RFC3: variants seen among roughly 807,000 people sequenced by gnomAD.
RFC3 encodes A1 38 kDa subunit.
A neutral mutation model predicts 45.1 loss-of-function variants in RFC3; 41 were observed. The ratio of observed to expected loss-of-function variants is 0.91; its 90% CI spans 0.71 to 1.18. The LOEUF is 1.18. Ranked by LOEUF, RFC3 falls within the 50% of genes most tolerant of loss-of-function variation. RFC3 has a pLI of 0.00. For missense variants in RFC3, 423 were observed against 428.1 expected, an observed-to-expected ratio of 0.99 and a Z score of 0.10; for synonymous variants, 149 against 144.0, an observed-to-expected ratio of 1.03 and a Z score of -0.25.
intron 8 of RFC3, among the ~76,000 whole-genome samples, chr13:33,871,682 C>T (rs2082410849): frequency 6.6e-6 from 1 of 152,132 alleles, no homozygotes; most frequent in African/African-American, 2.4e-5. Flanking sequence ...CTTGCATTAT[C>T]GCCTCTCCCA....
chr13:33,866,976 A>G (rs1384502536), intron 8 of RFC3, among the ~76,000 whole-genome samples: 1 of 152,188 alleles, frequency 6.6e-6, no homozygotes, highest in Non-Finnish European at 1.5e-5. Flanking sequence ...ATTCTATACA[A>G]TTGGAATAGA....
intron 2 of RFC3, among the ~76,000 whole-genome samples, chr13:33,823,012 A>G (rs964203716): frequency 6.6e-6 from 1 of 152,194 alleles, no homozygotes; most frequent in Non-Finnish European, 1.5e-5. Context: ...CTTCTGTAAC[A>G]AATAGTCACA....
the RFC3 span, among the ~76,000 whole-genome samples, chr13:33,976,271 C>A: frequency 6.6e-6 from 1 of 152,110 alleles, no homozygotes; most frequent in Non-Finnish European, 1.5e-5. Context: ...AGTCCTGTAA[C>A]TTGTAGCAAC....
At chr13:33,923,863 A>G (rs751964787) in intron 8 of RFC3, among the ~76,000 whole-genome samples, 1 of 152,148 alleles carries the variant, frequency 6.6e-6, no homozygotes, top group Non-Finnish European at 1.5e-5. Flanking sequence ...GTTTAGTTCC[A>G]TGTGTCTGTG....
chr13:33,878,458 G>C (rs968940057), intron 8 of RFC3, among the ~76,000 whole-genome samples: 1 of 152,184 alleles, frequency 6.6e-6, no homozygotes, highest in Non-Finnish European at 1.5e-5. Context: ...TGGAAATGGT[G>C]AGGGGTGGAA....
At chr13:33,889,127 C>T (rs1311422034) in intron 8 of RFC3, among the ~76,000 whole-genome samples, 1 of 152,202 alleles carries the variant, frequency 6.6e-6, no homozygotes, top group East Asian at 1.9e-4. Flanking sequence ...GTATCTGCAG[C>T]TGAAAGACGA....
rs1483804128 is a variant in RFC3 at position 33,846,910 on chromosome 13, C to CT, written c.879+11702dup. The CT allele has an allele frequency of 5.9e-5, 9 of 151,266 alleles. 1 individual carries two copies. The highest frequency in any genetic ancestry group is 4.2e-4 in the South Asian group (2 of 4,786). 9.4% of individuals were successfully genotyped at this position (151,266 alleles called of 1,614,324 possible). ...CAGTGCACACAGATTCTCTCTTTTTCTTTTTTTTTGGTGGAGTCTCACCCT... is the reference window on the plus strand; with the variant it reads ...CAGTGCACACAGATTCTCTCTTTTTCTTTTTTTTTTGGTGGAGTCTCACCCT... On this transcript the variant is annotated intron_variant, in intron 8 of 8. Transcript: ENST00000434425.
intron 8 of RFC3, among the ~76,000 whole-genome samples, chr13:33,943,531 A>T (rs1036155667): frequency 2.0e-5 from 3 of 152,190 alleles, no homozygotes; most frequent in Non-Finnish European, 4.4e-5. Flanking sequence ...GAGGTGAAGG[A>T]TATCCTAATT....
intron 8 of RFC3, among the ~76,000 whole-genome samples, chr13:33,863,658 A>G (rs187024791): frequency 3.3e-5 from 5 of 152,256 alleles, no homozygotes; most frequent in Admixed American, 6.5e-5. Context: ...CCCTGGTACA[A>G]TGACATCATT....
At chr13:33,879,478 G>T (rs1043120157) in intron 8 of RFC3, among the ~76,000 whole-genome samples, 20 of 151,992 alleles carry the variant, frequency 1.3e-4, no homozygotes, top group Admixed American at 1.2e-3. Context: ...TCACTCCCAC[G>T]AAGTTTTACA....
intron 8 of RFC3, among the ~76,000 whole-genome samples, chr13:33,858,895 C>T (rs1260437957): frequency 6.6e-6 from 1 of 152,118 alleles, no homozygotes; most frequent in East Asian, 1.9e-4. Context: ...ATCTCTTTTT[C>T]TTTCAACTGT....
chr13:33,956,840 G>C (rs2083024961), intron 8 of RFC3, among the ~76,000 whole-genome samples: 2 of 152,220 alleles, frequency 1.3e-5, no homozygotes, highest in African/African-American at 4.8e-5. Context: ...AGTTGTATAT[G>C]TGTGTTAGTT....
intron 8 of RFC3, among the ~76,000 whole-genome samples, chr13:33,929,308 T>G (rs1444150304): frequency 6.6e-6 from 1 of 152,088 alleles, no homozygotes; most frequent in Non-Finnish European, 1.5e-5. Flanking sequence ...AGTACACTTG[T>G]GGGCTTTAAA....
rs1422569651 is a variant in RFC3, at chr13:33,923,949, T to C, written c.880-42138T>C. ...CCTTCGGGTTAGAGCTGGAGTTATCTCTGAAGGCTTGATGGAAGCTGATTT... is the reference window on the plus strand; with the variant it reads ...CCTTCGGGTTAGAGCTGGAGTTATCCCTGAAGGCTTGATGGAAGCTGATTT... On this transcript the variant is annotated intron_variant, in intron 8 of 8. Transcript: ENST00000434425. Among the ~76,000 whole-genome samples the C allele has an allele frequency of 8.5e-5, 13 of 152,234 alleles. No individual in the cohort carries two copies. The East Asian group carries it at 2.5e-3, about 29-fold the overall frequency.
intron 8 of RFC3, among the ~76,000 whole-genome samples, chr13:33,925,545 TATATACATACATACATA>T: frequency 6.8e-6 from 1 of 148,018 alleles, no homozygotes; most frequent in East Asian, 2.0e-4. Context: ...CATAGTGTAC[TATATACATACATACATA>T]GTGTACTATA....
At chr13:33,965,717 T>G (rs2083084310) in intron 8 of RFC3, among the ~76,000 whole-genome samples, 1 of 152,208 alleles carries the variant, frequency 6.6e-6, no homozygotes, top group African/African-American at 2.4e-5. Context: ...CCACCTCTTA[T>G]CAGATAGAAA....
chr13:33,973,094 G>C, the RFC3 span, among the ~76,000 whole-genome samples: 2 of 152,070 alleles, frequency 1.3e-5, no homozygotes, highest in Admixed American at 1.3e-4. Flanking sequence ...TAGACTCCTT[G>C]CTGTCTCATA....
intron 8 of RFC3, among the ~76,000 whole-genome samples, chr13:33,870,847 A>G (rs566227422): frequency 2.5e-4 from 38 of 152,178 alleles, no homozygotes; most frequent in African/African-American, 8.9e-4. Context: ...TTCAGTACCA[A>G]TGTCTGGAGT....
intron 8 of RFC3, among the ~76,000 whole-genome samples, chr13:33,912,059 C>G (rs992903388): frequency 3.9e-5 from 6 of 151,962 alleles, no homozygotes; most frequent in African/African-American, 1.4e-4. Context: ...ACTGCAATTA[C>G]TTTTGCACCA....
Sources: gnomAD v4.1 joint callset for allele counts (sites outside exome capture counted in the v4.1 genomes callset) on GRCh38, gnomAD v4.1.1 for gene constraint, MANE v1.5 for transcripts, NCBI Gene and HGNC (gene_info 2026-07-23, HGNC 2026-07-21) for gene names.